GNAS: variants seen among roughly 807,000 people sequenced by gnomAD.
GNAS encodes the protein protein ALEX.
GNAS carries 8 observed loss-of-function variants against 54.5 expected under a neutral mutation model. That is an observed-to-expected ratio of 0.15 (90% confidence interval 0.09 to 0.26). The LOEUF is 0.26. Among genes scored for constraint, GNAS ranks in the 10% least tolerant of loss-of-function variants. The probability of loss-of-function intolerance (pLI) is 1.00; values close to 1 mark genes in which losing one functional copy is unlikely to be tolerated. For missense variants in GNAS, 170 were observed against 529.8 expected (o/e 0.32, Z 6.67); for synonymous variants, 204 against 191.4 (o/e 1.07, Z -0.54).
chr20:58,880,431 C>A (rs2088149645), intron 1 of GNAS, among the ~76,000 whole-genome samples: 1 of 152,140 alleles, frequency 6.6e-6, no homozygotes, highest in African/African-American at 2.4e-5. Flanking sequence ...TTACCACATA[C>A]CGAGAATTTC....
In GNAS at chr20:58,909,754, C is replaced by T. The variant is rs2091317382; in HGVS notation, c.789C>T (p.Thr263=). 6.2e-7 allele frequency: 1 copy of T among 1,614,024 alleles called. No homozygotes were observed. The highest frequency in any genetic ancestry group is 8.5e-7 in the Non-Finnish European group (1 of 1,179,978). The stretch of plus-strand genomic sequence containing the variant: ...TGGTCATCCGGGAGGACAACCAGAC[C>T]AACCGCCTGCAGGAGGCTCTGAACC... The part of the protein sequence containing the change: ...YNMVIREDNQ[T]NRLQEALNLF... Residue 263 remains threonine (T), a synonymous_variant, in exon 10 of 13, where the codon ACC becomes ACT. Coordinates refer to ENST00000371085, the MANE Select transcript of GNAS (RefSeq NM_000516.7). This position sits in a 1 kb window ranked among gnomAD's most constrained non-coding sequence, Gnocchi z 7.3.
At position 58,840,941 on chromosome 20, in the gene GNAS, G is replaced by C; in HGVS notation, c.43+55G>C. The stretch of plus-strand genomic sequence containing the variant: ...CTGAGGGCGGTGTGGGAGCAGCGCA[G>C]GTGGAAAGGAGGTGAGAAGGAAAGG... On this transcript the variant is annotated intron_variant, in intron 1 of 12. Coordinates refer to the GNAS transcript ENST00000306090. The surrounding 1 kb of genome is among the most constrained non-coding windows in gnomAD (Gnocchi z 6.0). 1.3e-6 allele frequency: 2 copies of C among 1,577,172 alleles called. No homozygotes were observed. Among genetic ancestry groups the C allele is most frequent in the Non-Finnish European group, 1.7e-6 (2 of 1,155,026 alleles).
intron 1 of GNAS, chr20:58,842,464 G>C (rs1045571798): frequency 1.5e-5 from 6 of 398,514 alleles, no homozygotes; most frequent in Non-Finnish European, 2.7e-5. Context: ...GACCTATTCC[G>C]TAGGAAAGGC....
At chr20:58,883,002 T>G (rs896932032) in intron 1 of GNAS, 2 of 152,142 alleles carry the variant, frequency 1.3e-5, no homozygotes, top group African/African-American at 2.4e-5. Context: ...CCCATCATCA[T>G]CAGCAAATCT....
In GNAS at chr20:58,899,369, CTGA is replaced by C. The variant is rs140241656; in HGVS notation, c.257+386_257+388del. ...AAATTCCATCTACCCACTGGTTGGT[CTGA>C]TTTTAAAATTTCAGACCTCTTTGAA... On this transcript the variant is annotated intron_variant, in intron 3 of 12. Coordinates refer to ENST00000371085, the MANE Select transcript of GNAS (RefSeq NM_000516.7). The C allele has an allele frequency of 7.0e-3, 3,643 of 521,798 alleles. 125 individuals carry two copies. The highest frequency in any genetic ancestry group is 0.065 in the African/African-American group (3,340 of 51,420). The allele number at this position is 521,798 out of a possible 1,614,324, so 32.3% of individuals were successfully genotyped here. A position where few individuals can be genotyped will look rare whatever the true frequency, so the allele number is the denominator to read the frequency against.
In GNAS at chr20:58,910,290, C is replaced by G. The variant is rs1482470467; in HGVS notation, c.971-44C>G. ...CAGAGATGCTAGCACCCCAGCTCTG[C>G]TTGAATTTTAAATTACATTAATATG... On this transcript the variant is annotated intron_variant, in intron 11 of 12. Coordinates refer to ENST00000371085, the MANE Select transcript of GNAS (RefSeq NM_000516.7). This position sits in a 1 kb window ranked among gnomAD's most constrained non-coding sequence, Gnocchi z 5.8. 1 of 1,469,972 alleles carries G rather than the reference C, an allele frequency of 6.8e-7. No homozygotes were observed. Among genetic ancestry groups the G allele is most frequent in the Non-Finnish European group, 9.5e-7 (1 of 1,048,554 alleles). The allele number at this position is 1,469,972 out of a possible 1,614,324, so 91.1% of individuals were successfully genotyped here.
intron 3 of GNAS, chr20:58,900,165 G>C: frequency 1.7e-6 from 1 of 581,620 alleles, no homozygotes; most frequent in Non-Finnish European, 3.1e-6. Flanking sequence ...CAGAAATGTA[G>C]TATGACAACT....
At chr20:58,840,713 G>A, upstream of GNAS, 1 of 1,603,782 alleles carries the variant, frequency 6.2e-7, no homozygotes, top group Non-Finnish European at 8.5e-7. This position sits in a 1 kb window ranked among gnomAD's most constrained non-coding sequence, Gnocchi z 6.0. Context: ...AGATCCAAGG[G>A]ACCCCGAAGA....
upstream of GNAS, chr20:58,890,869 C>T (rs1392952010): frequency 6.6e-6 from 1 of 152,314 alleles, no homozygotes; most frequent in Non-Finnish European, 1.5e-5. Flanking sequence ...TCGTGCTCGC[C>T]TCGCTTTTTC....
At chr20:58,899,694 C>T (rs1027054925) in intron 3 of GNAS, among the ~76,000 whole-genome samples, 2 of 151,674 alleles carry the variant, frequency 1.3e-5, no homozygotes, top group African/African-American at 4.8e-5. Flanking sequence ...TACACAGACA[C>T]GCACACACAT....
intron 1 of GNAS, chr20:58,850,868 AG>A (rs879566047): frequency 4.0e-5 from 16 of 398,750 alleles, no homozygotes; most frequent in Non-Finnish European, 6.6e-5. Context: ...CCACCCCAGC[AG>A]CACCTCTTCG....
intron 2 of GNAS, among the ~76,000 whole-genome samples, chr20:58,896,275 T>C (rs1227004077): frequency 6.6e-6 from 1 of 152,084 alleles, no homozygotes; most frequent in Non-Finnish European, 1.5e-5. Flanking sequence ...AATCATTGTT[T>C]CCCTTTAAAA....
chr20:58,903,525 C>T lies in GNAS; in HGVS notation c.258-6C>T. ...TGATTTTCTTTTCTTTTCAATCCCA[C>T]TGCAGTGAGAAGGCAACCAAAGTGC... On this transcript the variant is annotated splice_polypyrimidine_tract_variant and splice_region_variant and intron_variant, in intron 3 of 12. Coordinates refer to ENST00000371085, the MANE Select transcript of GNAS (RefSeq NM_000516.7). 1.9e-6 allele frequency: 3 copies of T among 1,611,906 alleles called. No individual in the cohort carries two copies. Among genetic ancestry groups the T allele is most frequent in the Admixed American group, 1.7e-5 (1 of 60,020 alleles).
upstream of GNAS, chr20:58,889,371 G>T (rs888838696): frequency 5.5e-5 from 54 of 983,588 alleles, no homozygotes; most frequent in Non-Finnish European, 6.4e-5. Flanking sequence ...GGGGAGCGCC[G>T]GGGCCTCCCG....
Position 58,910,582 on chromosome 20 carries a change from C to T in GNAS, c.1039-101C>T. 1 of 1,420,152 alleles carries T rather than the reference C, an allele frequency of 7.0e-7. No individual in the cohort carries two copies. Among genetic ancestry groups the T allele is most frequent in the Non-Finnish European group, 9.9e-7 (1 of 1,009,288 alleles). 88.0% of individuals were successfully genotyped at this position (1,420,152 alleles called of 1,614,324 possible). A position where few individuals can be genotyped will look rare whatever the true frequency, so the allele number is the denominator to read the frequency against. On this transcript the variant is annotated intron_variant, in intron 12 of 12. Coordinates refer to ENST00000371085, the MANE Select transcript of GNAS (RefSeq NM_000516.7). The surrounding 1 kb of genome is among the most constrained non-coding windows in gnomAD (Gnocchi z 5.8). ...TTTTGCTTTTGTTTTCATATGACAT[C>T]AGAGGCTGGCTGACAGCCGTCCCTG...
At chr20:58,895,325 C>T (rs552232528) in intron 1 of GNAS, 9 of 438,006 alleles carry the variant, frequency 2.1e-5, no homozygotes, top group Non-Finnish European at 3.4e-5. Flanking sequence ...TGCCCCTTTC[C>T]AACACCACCC....
upstream of GNAS, chr20:58,888,465 T>TA (rs1406099003): frequency 6.6e-6 from 1 of 152,192 alleles, no homozygotes; most frequent in East Asian, 1.9e-4. Context: ...TGCTATATCC[T>TA]AGTGTGCGGC....
At chr20:58,847,554 T>C (rs1198010034) in intron 1 of GNAS, among the ~76,000 whole-genome samples, 1 of 152,254 alleles carries the variant, frequency 6.6e-6, no homozygotes, top group African/African-American at 2.4e-5. Context: ...TAAATTCTTT[T>C]CTACCTTCTC....
At chr20:58,844,074 G>T (rs1245896002) in intron 1 of GNAS, 1 of 152,116 alleles carries the variant, frequency 6.6e-6, no homozygotes, top group East Asian at 1.9e-4. Flanking sequence ...CTTCAGTGTT[G>T]GTAAGAATGA....
Sources: allele counts gnomAD v4.1 joint callset (sites outside exome capture counted in the v4.1 genomes callset), GRCh38; gene constraint gnomAD v4.1.1; non-coding constraint Gnocchi (gnomAD v3.1); transcripts MANE v1.5; gene names NCBI Gene and HGNC (gene_info 2026-07-23, HGNC 2026-07-21).